The following BRINP1 variants were observed in gnomAD, a reference collection of about 807,000 sequenced individuals.
BRINP1 encodes BMP/retinoic acid inducible neural specific 1.
Under a neutral mutation model 72.9 loss-of-function variants are expected in BRINP1, and 17 were observed. The observed-to-expected ratio is 0.23, with a 90% confidence interval of 0.16 to 0.35. BRINP1 has a LOEUF of 0.35. Among genes scored for constraint, BRINP1 ranks in the 10% least tolerant of loss-of-function variants. BRINP1 has a pLI of 1.00. For synonymous variants in BRINP1, 418 were observed against 378.5 expected (o/e 1.10, Z -1.21); for missense variants, 850 against 1,001.6 (o/e 0.85, Z 2.04).
chr9:119,334,870 G>C (rs778350846), intron 1 of BRINP1, among the ~76,000 whole-genome samples: 3 of 152,080 alleles, frequency 2.0e-5, no homozygotes, highest in Non-Finnish European at 4.4e-5. Flanking sequence ...AAGAGAGATC[G>C]AGTCTGAGGA....
chr9:119,302,029 A>C (rs1489225018), intron 2 of BRINP1, among the ~76,000 whole-genome samples: 2 of 152,202 alleles, frequency 1.3e-5, no homozygotes, highest in Non-Finnish European at 2.9e-5. Flanking sequence ...TGTCATTAGG[A>C]TGTAGTTCAC....
intron 7 of BRINP1, among the ~76,000 whole-genome samples, chr9:119,180,219 C>T (rs750643271): frequency 2.6e-5 from 4 of 152,124 alleles, no homozygotes; most frequent in Non-Finnish European, 5.9e-5. Context: ...CTCCCATTTG[C>T]CTACCAGGAG....
chr9:119,294,757 G>A (rs775675476), intron 2 of BRINP1, among the ~76,000 whole-genome samples: 1 of 149,752 alleles, frequency 6.7e-6, no homozygotes, highest in Non-Finnish European at 1.5e-5. Flanking sequence ...TTAGGAGTCT[G>A]AGGTAGGAGA....
chr9:119,282,810 C>T (rs934417321), intron 2 of BRINP1: 1 of 985,084 alleles, frequency 1.0e-6, no homozygotes, highest in Non-Finnish European at 1.2e-6. Context: ...TGAGTGAAAC[C>T]AAGGGGAGAG....
chr9:119,351,686 G>T (rs188086475), intron 1 of BRINP1, among the ~76,000 whole-genome samples: 13 of 152,266 alleles, frequency 8.5e-5, no homozygotes, highest in Admixed American at 7.2e-4. Flanking sequence ...ATGTTTAGGG[G>T]CTTATTTTCT....
At chr9:119,176,601 A>C (rs1829492831) in intron 7 of BRINP1, among the ~76,000 whole-genome samples, 1 of 152,174 alleles carries the variant, frequency 6.6e-6, no homozygotes, top group South Asian at 2.1e-4. Context: ...GAGGATAATA[A>C]AGCCCATCTT....
intron 5 of BRINP1, among the ~76,000 whole-genome samples, chr9:119,220,565 C>T (rs1427818487): frequency 2.6e-5 from 4 of 152,056 alleles, no homozygotes. Context: ...TTAATGCATG[C>T]TTCCCACCTC....
At chr9:119,287,540 G>T (rs1830775055) in intron 2 of BRINP1, among the ~76,000 whole-genome samples, 1 of 152,192 alleles carries the variant, frequency 6.6e-6, no homozygotes, top group East Asian at 1.9e-4. Context: ...CACTGGGCTT[G>T]TTCCCCGATG....
At chr9:119,267,212 A>G (rs935838237) in intron 2 of BRINP1, among the ~76,000 whole-genome samples, 1 of 152,252 alleles carries the variant, frequency 6.6e-6, no homozygotes, top group African/African-American at 2.4e-5. Flanking sequence ...AGAATCATGG[A>G]TACTTACTTG....
chr9:119,358,180 G>A (rs1239617256), intron 1 of BRINP1, among the ~76,000 whole-genome samples: 2 of 152,124 alleles, frequency 1.3e-5, no homozygotes, highest in Non-Finnish European at 2.9e-5. Context: ...TAAGGATGAA[G>A]AGGGGAATCA....
intron 2 of BRINP1, among the ~76,000 whole-genome samples, chr9:119,255,782 C>G (rs112093053): frequency 0.086 from 13,111 of 151,652 alleles, 1,917 homozygotes; most frequent in African/African-American, 0.3. Flanking sequence ...AGTGAAACCC[C>G]ATCTCTACTA....
rs141075316 is a variant in BRINP1, at chr9:119,242,799, T to G, written c.410-583A>C. Reference sequence around the variant, plus strand: ...ATAAATTTAGATGCAAATATAAAAATTTATACATTTTCTTCTTTTAAGTTT... The same window carrying G: ...ATAAATTTAGATGCAAATATAAAAAGTTATACATTTTCTTCTTTTAAGTTT... On this transcript the variant is annotated intron_variant, in intron 3 of 7. Coordinates refer to ENST00000265922, the MANE Select transcript of BRINP1 (RefSeq NM_014618.3). 3.2e-3 allele frequency among the ~76,000 whole-genome samples: 492 copies of G among 152,278 alleles called. 2 individuals are homozygous for G. Among genetic ancestry groups the G allele is most frequent in the African/African-American group, 0.011 (454 of 41,572 alleles).
intron 5 of BRINP1, among the ~76,000 whole-genome samples, chr9:119,232,039 T>C (rs1212420053): frequency 6.6e-6 from 1 of 152,168 alleles, no homozygotes; most frequent in Non-Finnish European, 1.5e-5. Context: ...AGGTTCCAAC[T>C]CAACTAGGTT....
At chr9:119,332,558 G>T (rs895387526) in intron 1 of BRINP1, among the ~76,000 whole-genome samples, 21 of 152,140 alleles carry the variant, frequency 1.4e-4, no homozygotes, top group African/African-American at 4.8e-4. Flanking sequence ...GTGATGGTGT[G>T]TCAGTTCTGA....
At chr9:119,322,453 A>T (rs1372193069) in intron 1 of BRINP1, among the ~76,000 whole-genome samples, 1 of 152,172 alleles carries the variant, frequency 6.6e-6, no homozygotes, top group East Asian at 1.9e-4. Flanking sequence ...AATTGTTGCT[A>T]TTGTAAATTA....
intron 7 of BRINP1, among the ~76,000 whole-genome samples, chr9:119,181,212 A>G (rs926533545): frequency 1.3e-5 from 2 of 152,204 alleles, no homozygotes; most frequent in African/African-American, 4.8e-5. Flanking sequence ...CTTGGGCAGT[A>G]GTTAGACTGT....
intron 2 of BRINP1, among the ~76,000 whole-genome samples, chr9:119,282,521 A>G (rs1376419322): frequency 6.6e-6 from 1 of 152,186 alleles, no homozygotes; most frequent in Non-Finnish European, 1.5e-5. Context: ...GAGGAGGGGA[A>G]GAATGTAAAA....
intron 2 of BRINP1, among the ~76,000 whole-genome samples, chr9:119,309,492 G>T (rs1198631055): frequency 6.6e-6 from 1 of 152,160 alleles, no homozygotes; most frequent in South Asian, 2.1e-4. Context: ...TCAGAGTGTG[G>T]CTATGAGGAG....
intron 6 of BRINP1, among the ~76,000 whole-genome samples, chr9:119,211,475 G>A (rs1829927353): frequency 6.6e-6 from 1 of 151,844 alleles, no homozygotes; most frequent in South Asian, 2.1e-4. Context: ...GGGATTACAG[G>A]CATGAGCCAC....
Sources: gnomAD v4.1 joint callset for allele counts (sites outside exome capture counted in the v4.1 genomes callset) on GRCh38, gnomAD v4.1.1 for gene constraint, MANE v1.5 for transcripts, NCBI Gene and HGNC (gene_info 2026-07-23, HGNC 2026-07-21) for gene names.